The following USH2A variants were observed in gnomAD, a reference collection of about 807,000 sequenced individuals.
USH2A encodes usherin, also known as Usher syndrome 2A (autosomal recessive, mild).
In USH2A, 443 loss-of-function variants were observed where a neutral mutation model predicts 538.9. That is an observed-to-expected ratio of 0.82 (90% CI 0.76 to 0.89). The LOEUF (loss-of-function observed/expected upper bound fraction) is 0.89, where lower values mean the gene tolerates loss of function less well. Among genes scored for constraint, USH2A ranks in the 40% least tolerant of loss-of-function variants. USH2A has a pLI of 0.00. For missense variants in USH2A, 6,633 were observed against 6,324.8 expected, an observed-to-expected ratio of 1.05 and a Z score of -1.65; for synonymous variants, 2,413 against 2,273.5, an observed-to-expected ratio of 1.06 and a Z score of -1.75.
intron 67 of USH2A, among the ~76,000 whole-genome samples, chr1:215,643,469 T>G (rs917888489): frequency 5.3e-5 from 8 of 152,104 alleles, no homozygotes; most frequent in African/African-American, 1.9e-4. Context: ...TCTCCTATGG[T>G]GCTAGTCCAG....
Position 215,774,038 on chromosome 1 carries a change from C to T in USH2A, c.10939+5805G>A, listed in dbSNP as rs549042143. Among the ~76,000 whole-genome samples, 5 of 152,198 alleles carry T rather than the reference C, an allele frequency of 3.3e-5. No homozygotes were observed. In the East Asian group the frequency reaches 9.7e-4, roughly 30 times the overall value. ...TTCACAATCTCAACAGCTGCCCATT[C>T]CACTTACCCAAGCCAATTTCCTCCC... On this transcript the variant is annotated intron_variant, in intron 55 of 71. Transcript: ENST00000307340.
intron 37 of USH2A, among the ~76,000 whole-genome samples, chr1:215,963,335 T>C (rs897477167): frequency 6.6e-6 from 1 of 152,110 alleles, no homozygotes; most frequent in Non-Finnish European, 1.5e-5. Flanking sequence ...ACAGTGGACA[T>C]GAGAGTTCCA....
intron 16 of USH2A, chr1:216,201,808 G>A: frequency 4.4e-6 from 1 of 226,398 alleles, no homozygotes; most frequent in Admixed American, 4.3e-5. Context: ...GTTGTACCAT[G>A]GGTACCAGAG....
intron 13 of USH2A, among the ~76,000 whole-genome samples, chr1:216,241,388 G>A (rs905824213): frequency 2.6e-5 from 4 of 152,102 alleles, no homozygotes; most frequent in African/African-American, 7.2e-5. Context: ...TTATGCAAAT[G>A]TAAATTTTGA....
At position 216,198,692 on chromosome 1, in the gene USH2A, C is replaced by T; in HGVS notation, c.3812-108G>A. On this transcript the variant is annotated intron_variant, in intron 17 of 71. Coordinates refer to ENST00000307340, the MANE Select transcript of USH2A (RefSeq NM_206933.4). ...AGAGTGCTGGATATTCATTGTCTTT[C>T]TAATTAGATTACTGTCAATTTCTTT... 6.0e-6 allele frequency: 6 copies of T among 1,004,840 alleles called. No individual in the cohort carries two copies. The South Asian group carries it at 8.7e-5, about 15-fold the overall frequency. 62.2% of individuals were successfully genotyped at this position (1,004,840 alleles called of 1,614,324 possible). A position where few individuals can be genotyped will look rare whatever the true frequency, so the allele number is the denominator to read the frequency against.
chr1:216,048,534 C>T lies in USH2A; in HGVS notation c.6163G>A (p.Ala2055Thr), dbSNP rs768233523. The change falls in exon 31 of 72, where the codon GCC (alanine) becomes ACC (threonine). Residue 2055 changes from alanine to threonine, a missense_variant and splice_region_variant. Ala to Thr is a moderately conservative substitution (Grantham distance 58). Coordinates refer to ENST00000307340, the MANE Select transcript of USH2A (RefSeq NM_206933.4). Reference protein sequence around the residue: ...HALNISTPQEAPQEVQPPVAK... With the variant: ...HALNISTPQETPQEVQPPVAK... ...GTCAAGACCTTTGAAATTACTTTAC[C>T]TTCTTGTGGAGTAGAGATGTTCAAT... is the stretch of plus-strand genomic sequence containing the variant. 21 of 1,613,280 alleles carry T rather than the reference C, an allele frequency of 1.3e-5. No homozygotes were observed. The highest frequency in any genetic ancestry group is 2.7e-5 in the African/African-American group (2 of 74,850).
At chr1:216,206,688 G>GT (rs1330237041) in intron 16 of USH2A, among the ~76,000 whole-genome samples, 1 of 152,126 alleles carries the variant, frequency 6.6e-6, no homozygotes, top group Non-Finnish European at 1.5e-5. Context: ...TAAGGTATCA[G>GT]TTTATATGCT....
intron 30 of USH2A, among the ~76,000 whole-genome samples, chr1:216,062,139 C>T (rs1192417888): frequency 1.3e-5 from 2 of 152,154 alleles, no homozygotes; most frequent in Admixed American, 6.5e-5. Context: ...ATATAGCCCT[C>T]AAATTATGGA....
In USH2A at chr1:216,414,918, T is replaced by G. The variant is rs192432786; in HGVS notation, c.651+3596A>C. 1.6e-3 allele frequency among the ~76,000 whole-genome samples: 243 copies of G among 152,272 alleles called. 2 individuals are homozygous for G. The highest frequency in any genetic ancestry group is 2.9e-3 in the Admixed American group (45 of 15,274). The stretch of plus-strand genomic sequence containing the variant: ...ATCCCCAAATTAAATGGAGTTTAGA[T>G]GCATTATATAATCATGCAACAGTAA... On this transcript the variant is annotated intron_variant, in intron 3 of 71. Coordinates refer to ENST00000307340, the MANE Select transcript of USH2A (RefSeq NM_206933.4).
chr1:216,256,074 T>C (rs551492675), intron 11 of USH2A, among the ~76,000 whole-genome samples: 1 of 152,128 alleles, frequency 6.6e-6, no homozygotes, highest in African/African-American at 2.4e-5. Flanking sequence ...TTATGATTAG[T>C]GTTCACAAGA....
At chr1:216,354,285 C>T (rs1190647032) in intron 4 of USH2A, among the ~76,000 whole-genome samples, 1 of 152,124 alleles carries the variant, frequency 6.6e-6, no homozygotes, top group Non-Finnish European at 1.5e-5. Context: ...ATATGATTTA[C>T]TTCCACCTCT....
intron 47 of USH2A, among the ~76,000 whole-genome samples, chr1:215,830,347 G>A (rs371715024): frequency 6.6e-6 from 1 of 152,142 alleles, no homozygotes; most frequent in East Asian, 1.9e-4. Flanking sequence ...CGGCAGCTGT[G>A]GCCAAATTGG....
At chr1:216,059,723 G>A (rs1331566634) in intron 30 of USH2A, among the ~76,000 whole-genome samples, 1 of 152,014 alleles carries the variant, frequency 6.6e-6, no homozygotes, top group East Asian at 1.9e-4. Flanking sequence ...TGAACCTAAG[G>A]GGCATCTTGT....
chr1:216,161,285 T>A (rs936258356), intron 21 of USH2A, among the ~76,000 whole-genome samples: 1 of 152,048 alleles, frequency 6.6e-6, no homozygotes, highest in African/African-American at 2.4e-5. Context: ...ACCCTCAAAC[T>A]CCTTTATCAG....
intron 20 of USH2A, among the ~76,000 whole-genome samples, chr1:216,186,999 G>T (rs1053378158): frequency 6.6e-6 from 1 of 151,866 alleles, no homozygotes; most frequent in Non-Finnish European, 1.5e-5. Flanking sequence ...TCTACCACCA[G>T]GGAAGTCTTC....
chr1:216,357,883 A>G (rs1159993708), intron 4 of USH2A, among the ~76,000 whole-genome samples: 1 of 152,166 alleles, frequency 6.6e-6, no homozygotes, highest in Non-Finnish European at 1.5e-5. Context: ...CAGGTTATAT[A>G]CCCAATTGGA....
chr1:215,859,864 TTTATATCACCA>T (rs1317195241), intron 44 of USH2A, among the ~76,000 whole-genome samples: 1 of 152,006 alleles, frequency 6.6e-6, no homozygotes, highest in Non-Finnish European at 1.5e-5. Context: ...GGATCAAGGG[TTTATATCACCA>T]CCAAACCTCA....
At chr1:216,049,688 A>C (rs2030673225) in intron 30 of USH2A, among the ~76,000 whole-genome samples, 1 of 152,152 alleles carries the variant, frequency 6.6e-6, no homozygotes, top group Non-Finnish European at 1.5e-5. Context: ...ATTTTAATAT[A>C]CATGTTTCCA....
intron 4 of USH2A, among the ~76,000 whole-genome samples, chr1:216,362,192 A>C (rs1319488841): frequency 6.6e-6 from 1 of 152,172 alleles, no homozygotes; most frequent in East Asian, 1.9e-4. Flanking sequence ...CCATCAAAAA[A>C]CTGAAGAAAA....
Sources: gnomAD v4.1 joint callset for allele counts (sites outside exome capture counted in the v4.1 genomes callset) on GRCh38, gnomAD v4.1.1 for gene constraint, MANE v1.5 for transcripts, NCBI Gene and HGNC (gene_info 2026-07-23, HGNC 2026-07-21) for gene names.